The following TBC1D31 variants were observed in gnomAD, a reference collection of about 807,000 sequenced individuals.
The protein encoded by TBC1D31 is WD repeat domain 67.
Under a neutral mutation model 132.9 loss-of-function variants are expected in TBC1D31, and 99 were observed. That is an observed-to-expected ratio of 0.74 (90% CI 0.63 to 0.88). The LOEUF (loss-of-function observed/expected upper bound fraction) is 0.88, where lower values mean the gene tolerates loss of function less well. Among genes scored for constraint, TBC1D31 ranks in the 40% least tolerant of loss-of-function variants. The probability of loss-of-function intolerance (pLI) is 0.00; values close to 1 mark genes in which losing one functional copy is unlikely to be tolerated. For missense variants in TBC1D31, 1,134 were observed against 1,256.6 expected (o/e 0.90, Z 1.48); for synonymous variants, 385 against 419.4 (o/e 0.92, Z 1.00).
intron 8 of TBC1D31, among the ~76,000 whole-genome samples, chr8:123,107,913 T>C (rs986093472): frequency 2.0e-5 from 3 of 152,208 alleles, no homozygotes; most frequent in Non-Finnish European, 4.4e-5. Context: ...ACAGGTCAAA[T>C]TGAGGCCAAA....
chr8:123,123,860 T>C (rs188973038), intron 11 of TBC1D31, among the ~76,000 whole-genome samples: 1 of 152,338 alleles, frequency 6.6e-6, no homozygotes, highest in East Asian at 1.9e-4. Context: ...TGGATAGTCT[T>C]GTCCTGGTGA....
Position 123,142,259 on chromosome 8 carries a change from T to C in TBC1D31, c.2641-3T>C. The C allele has an allele frequency of 6.4e-7, 1 of 1,566,160 alleles. No individual in the cohort carries two copies. ...GTTTCTGAAATGTATAACTTTTTCC[T>C]AGGTGATTAAAGAAAATTTGGCAAA... On this transcript the variant is annotated splice_polypyrimidine_tract_variant and splice_region_variant and intron_variant, in intron 18 of 21. Coordinates refer to ENST00000287380, the MANE Select transcript of TBC1D31 (RefSeq NM_145647.4).
In TBC1D31 at chr8:123,080,529, CTTTTTTTTTTTTT is replaced by C. The variant is rs57694076; in HGVS notation, c.225-2159_225-2147del. Among the ~76,000 whole-genome samples the C allele has an allele frequency of 6.3e-3, 479 of 76,352 alleles. 4 individuals carry two copies. The highest frequency in any genetic ancestry group is 0.025 in the African/African-American group (450 of 18,250). 50.1% of individuals were successfully genotyped at this position (76,352 alleles called of 152,430 possible). A position where few individuals can be genotyped will look rare whatever the true frequency, so the allele number is the denominator to read the frequency against. ...AGCTTTTCTTTTCTTTTCTTTTATTCTTTTTTTTTTTTTTTTTTTTTTTTTTGAGACGGAGTCT... is the reference window on the plus strand; with the variant it reads ...AGCTTTTCTTTTCTTTTCTTTTATTCTTTTTTTTTTTTTGAGACGGAGTCT... On this transcript the variant is annotated intron_variant, in intron 2 of 21. Transcript: ENST00000287380.
At chr8:123,086,865 G>A (rs1377239007) in intron 4 of TBC1D31, among the ~76,000 whole-genome samples, 2 of 152,180 alleles carry the variant, frequency 1.3e-5, no homozygotes, top group East Asian at 3.9e-4. Context: ...TTACAGTCGT[G>A]CGCCATGACA....
intron 20 of TBC1D31, 70 bp downstream of exon 20, chr8:123,144,925 GA>G: frequency 7.4e-7 from 1 of 1,342,330 alleles, no homozygotes; most frequent in Non-Finnish European, 1.0e-6. Flanking sequence ...CTATTATTAT[GA>G]TTTTTTTTTT....
At chr8:123,120,906 A>G (rs1236055202) in intron 11 of TBC1D31, among the ~76,000 whole-genome samples, 3 of 151,224 alleles carry the variant, frequency 2.0e-5, no homozygotes, top group Non-Finnish European at 4.4e-5. Flanking sequence ...TTATTACATA[A>G]TGTGCATGTA....
the TBC1D31 span, among the ~76,000 whole-genome samples, chr8:123,164,194 C>T: frequency 1.3e-5 from 2 of 152,204 alleles, no homozygotes; most frequent in East Asian, 1.9e-4. Context: ...TCGCATTCTC[C>T]TTGGACCAGC....
intron 11 of TBC1D31, among the ~76,000 whole-genome samples, chr8:123,121,234 A>C (rs1485556672): frequency 6.6e-6 from 1 of 152,218 alleles, no homozygotes; most frequent in African/African-American, 2.4e-5. Flanking sequence ...CTGGGATTAC[A>C]GACGTGAGCC....
Position 123,142,414 on chromosome 8 carries a change from A to G in TBC1D31, c.2793A>G (p.Glu931=). 1 of 1,603,472 alleles carries G rather than the reference A, an allele frequency of 6.2e-7. No homozygotes were observed. The highest frequency in any genetic ancestry group is 1.1e-5 in the South Asian group (1 of 88,428). ...AKLLRENRRK[E]IEIINAMVEE... ...TCCTTAGGGAAAACAGAAGGAAAGAAATAGAGATAATAAATGCAATGGTGG... is the reference window on the plus strand; with the variant it reads ...TCCTTAGGGAAAACAGAAGGAAAGAGATAGAGATAATAAATGCAATGGTGG... The change falls in exon 19 of 22, where the codon GAA becomes GAG. Residue 931 remains glutamate, a synonymous_variant. Transcript: ENST00000287380.
At chr8:123,108,171 G>T (rs538784323) in intron 8 of TBC1D31, among the ~76,000 whole-genome samples, 1 of 152,210 alleles carries the variant, frequency 6.6e-6, no homozygotes, top group African/African-American at 2.4e-5. Flanking sequence ...GTCTGGCTTC[G>T]AGTCTTGAGC....
At chr8:123,085,778 G>C (rs1815674667) in intron 4 of TBC1D31, among the ~76,000 whole-genome samples, 1 of 152,178 alleles carries the variant, frequency 6.6e-6, no homozygotes, top group Non-Finnish European at 1.5e-5. Context: ...TCTTATTGCT[G>C]TTTAGAATTC....
intron 2 of TBC1D31, among the ~76,000 whole-genome samples, chr8:123,078,611 T>C (rs567200774): frequency 2.0e-5 from 3 of 152,202 alleles, no homozygotes; most frequent in Admixed American, 2.0e-4. Context: ...AATTTCAGAA[T>C]GCAGACAGGG....
intron 4 of TBC1D31, among the ~76,000 whole-genome samples, chr8:123,092,089 A>G (rs1032657950): frequency 6.6e-6 from 1 of 152,090 alleles, no homozygotes; most frequent in African/African-American, 2.4e-5. Context: ...ATCTCAGCTC[A>G]TTGCAACCTC....
At chr8:123,103,359 TCTG>T (rs1817629243) in intron 7 of TBC1D31, 1 of 152,148 alleles carries the variant, frequency 6.6e-6, no homozygotes, top group African/African-American at 2.4e-5. Context: ...TGTATTAATA[TCTG>T]CTCTTACTGA....
At chr8:123,121,349 G>A (rs560194189) in intron 11 of TBC1D31, among the ~76,000 whole-genome samples, 4 of 151,902 alleles carry the variant, frequency 2.6e-5, no homozygotes, top group Non-Finnish European at 4.4e-5. Context: ...TGGTGTTATC[G>A]GGTCATAAAA....
chr8:123,084,222 T>G lies in TBC1D31; in HGVS notation c.401T>G (p.Val134Gly). ...GHESSVFSIS[V>G]HASGKYAITT... ...GAATCATCAGTATTTTCGATCTCTGTGCATGCATCAGGGAAATATGCCATC... is the reference window on the plus strand; with the variant it reads ...GAATCATCAGTATTTTCGATCTCTGGGCATGCATCAGGGAAATATGCCATC... Residue 134 changes from valine (V) to glycine (G), a missense_variant, in exon 4 of 22, where the codon GTG (valine) becomes GGG (glycine). Val to Gly is a moderately radical substitution (Grantham distance 109). Coordinates refer to ENST00000287380, the MANE Select transcript of TBC1D31 (RefSeq NM_145647.4). The G allele has an allele frequency of 6.2e-7, 1 of 1,614,218 alleles. No individual in the cohort carries two copies. The highest frequency in any genetic ancestry group is 1.7e-5 in the Admixed American group (1 of 60,020).
intron 11 of TBC1D31, among the ~76,000 whole-genome samples, chr8:123,122,523 G>A (rs34712991): frequency 0.16 from 24,077 of 152,190 alleles, 2,066 homozygotes; most frequent in Admixed American, 0.23. Context: ...AGAGGTTACA[G>A]GGGCTAGGGA....
intron 8 of TBC1D31, 81 bp from the exon 9 acceptor site, chr8:123,109,236 T>G: frequency 1.0e-6 from 1 of 979,142 alleles, no homozygotes; most frequent in South Asian, 1.5e-5. Context: ...AGTTGGGAAG[T>G]CACTGTGGAC....
chr8:123,145,331 T>G (rs894203226), intron 20 of TBC1D31, among the ~76,000 whole-genome samples: 2 of 152,148 alleles, frequency 1.3e-5, no homozygotes, highest in Non-Finnish European at 1.5e-5. Context: ...TGGGCTGAGG[T>G]GGGACTATTA....
Sources: gnomAD v4.1 joint callset for allele counts (sites outside exome capture counted in the v4.1 genomes callset) on GRCh38, gnomAD v4.1.1 for gene constraint, MANE v1.5 for transcripts, NCBI Gene and HGNC (gene_info 2026-07-23, HGNC 2026-07-21) for gene names.